The following SPTB variants were observed in gnomAD, a reference collection of about 807,000 sequenced individuals.
SPTB encodes the protein spectrin beta, erythrocytic.
A neutral mutation model predicts 256.2 loss-of-function variants in SPTB; 45 were observed. That is an observed-to-expected ratio of 0.18 (90% CI 0.14 to 0.23). The LOEUF is 0.23. SPTB is among the 10% of genes least tolerant of loss of function. The pLI is 1.00. For missense variants in SPTB, 2,715 were observed against 3,040.4 expected, an observed-to-expected ratio of 0.89 and a Z score of 2.52; for synonymous variants, 1,231 against 1,243.1, an observed-to-expected ratio of 0.99 and a Z score of 0.21.
At chr14:64,872,072 C>T (rs1882564763) in intron 1 of SPTB, among the ~76,000 whole-genome samples, 1 of 152,172 alleles carries the variant, frequency 6.6e-6, no homozygotes, top group African/African-American at 2.4e-5. Flanking sequence ...AAAATAAAAA[C>T]ATCTCCTTTT....
At chr14:64,869,783 C>T (rs1882420986) in intron 1 of SPTB, among the ~76,000 whole-genome samples, 1 of 108,274 alleles carries the variant, frequency 9.2e-6, no homozygotes, top group Admixed American at 1.1e-4. Context: ...CCACGATGCC[C>T]TGCTTTTTTT....
Position 64,795,019 on chromosome 14 carries a change from A to C in SPTB, c.1644+318T>G, listed in dbSNP as rs79223935. Among the ~76,000 whole-genome samples, 732 of 152,300 alleles carry C rather than the reference A, an allele frequency of 4.8e-3. 4 individuals carry two copies. Among genetic ancestry groups the C allele is most frequent in the East Asian group, 0.017 (88 of 5,182 alleles). ...TAACCAGAGTCAAATTGTAATTACT[A>C]AGAGCTTGATTCTCCAGGTTCCTGA... On this transcript the variant is annotated intron_variant, in intron 12 of 35. Coordinates refer to ENST00000644917, the MANE Select transcript of SPTB (RefSeq NM_001355436.2). The surrounding 1 kb of genome is among the most constrained non-coding windows in gnomAD (Gnocchi z 6.5).
rs1243344252 is a variant in SPTB at position 64,760,990 on chromosome 14, T to G, written c.6345+5736A>C. On this transcript the variant is annotated intron_variant, in intron 32 of 35. Coordinates refer to ENST00000644917, the MANE Select transcript of SPTB (RefSeq NM_001355436.2). This position sits in a 1 kb window ranked among gnomAD's most constrained non-coding sequence, Gnocchi z 4.3. Reference sequence around the variant, plus strand: ...GTTCACAGTCTAAATGAGATGATCCTGGCTTATGCAAAACACATGGCTGAT... The same window carrying G: ...GTTCACAGTCTAAATGAGATGATCCGGGCTTATGCAAAACACATGGCTGAT... Among the ~76,000 whole-genome samples, 1 of 152,234 alleles carries G rather than the reference T, an allele frequency of 6.6e-6. No homozygotes were observed. The highest frequency in any genetic ancestry group is 1.5e-5 in the Non-Finnish European group (1 of 68,034).
chr14:64,800,144 C>A (rs770683370), intron 8 of SPTB, among the ~76,000 whole-genome samples: 1 of 152,210 alleles, frequency 6.6e-6, no homozygotes, highest in Non-Finnish European at 1.5e-5. Context: ...TCTTGCCAAT[C>A]GGCAGCGAGC....
At position 64,795,990 on chromosome 14, in the gene SPTB, G is replaced by A. The variant is rs911833894; in HGVS notation, c.1342-351C>T. The stretch of plus-strand genomic sequence containing the variant: ...GGCAGGAAGGGGCTGCTTCTCACTC[G>A]GAAACCCATGCACCAGCAAACAGAT... On this transcript the variant is annotated intron_variant, in intron 11 of 35. Transcript: ENST00000644917. This position sits in a 1 kb window ranked among gnomAD's most constrained non-coding sequence, Gnocchi z 6.5. 1.3e-5 allele frequency among the ~76,000 whole-genome samples: 2 copies of A among 152,144 alleles called. No homozygotes were observed. The highest frequency in any genetic ancestry group is 1.9e-4 in the East Asian group (1 of 5,188).
At chr14:64,768,674 C>T (rs1049206306) in intron 29 of SPTB, among the ~76,000 whole-genome samples, 3 of 151,924 alleles carry the variant, frequency 2.0e-5, no homozygotes, top group African/African-American at 4.8e-5. Flanking sequence ...ACTCCTCCCC[C>T]GGACCCTCAA....
intron 1 of SPTB, among the ~76,000 whole-genome samples, chr14:64,842,627 C>A (rs2083624650): frequency 6.6e-6 from 1 of 152,242 alleles, no homozygotes; most frequent in South Asian, 2.1e-4. Context: ...GTGTCAGACA[C>A]GGAGTATACA....
chr14:64,846,635 C>T (rs111740492), intron 1 of SPTB, among the ~76,000 whole-genome samples: 1,982 of 152,332 alleles, frequency 0.013, 20 homozygotes, highest in Middle Eastern at 0.024. Flanking sequence ...GACAGTGTCT[C>T]CCGCCTTCAA....
rs1241269850 is a variant in SPTB at position 64,802,139 on chromosome 14, T to C, written c.566+87A>G. The C allele has an allele frequency of 8.8e-6, 11 of 1,247,978 alleles. No homozygotes were observed. Among genetic ancestry groups the C allele is most frequent in the African/African-American group, 4.4e-5 (3 of 67,510 alleles). The allele number at this position is 1,247,978 out of a possible 1,614,324, so 77.3% of individuals were successfully genotyped here. ...AGGCAGCTGTAGTTCTGGGTGATGA[T>C]GTCTAATGTCCCTCTGGAGATGGCA... On this transcript the variant is annotated intron_variant, in intron 5 of 35. Coordinates refer to ENST00000644917, the MANE Select transcript of SPTB (RefSeq NM_001355436.2). The surrounding 1 kb of genome is among the most constrained non-coding windows in gnomAD (Gnocchi z 5.1).
At chr14:64,869,638 T>TTTG in intron 1 of SPTB, among the ~76,000 whole-genome samples, 1 of 150,084 alleles carries the variant, frequency 6.7e-6, no homozygotes, top group Non-Finnish European at 1.5e-5. Context: ...TTTTTTTTTT[T>TTTG]TGAGACAGGG....
In SPTB at chr14:64,758,617, G is replaced by A. The variant is rs1013798849; in HGVS notation, c.6346-4824C>T. Among the ~76,000 whole-genome samples, 4 of 152,246 alleles carry A rather than the reference G, an allele frequency of 2.6e-5. No homozygotes were observed. Among genetic ancestry groups the A allele is most frequent in the Admixed American group, 6.5e-5 (1 of 15,290 alleles). On this transcript the variant is annotated intron_variant, in intron 32 of 35. Transcript: ENST00000644917. This position sits in a 1 kb window ranked among gnomAD's most constrained non-coding sequence, Gnocchi z 4.6. Reference sequence around the variant, plus strand: ...AACTTTGTCAAGAAAAGACTTCGAGGAAGATTGTGTCTAGATATATATCCA... The same window carrying A: ...AACTTTGTCAAGAAAAGACTTCGAGAAAGATTGTGTCTAGATATATATCCA...
In SPTB at chr14:64,803,727, C is replaced by T. The variant is rs2082931432; in HGVS notation, c.354G>A (p.Lys118=). ...MRIHCLENVD[K]ALQFLKEQRV... ...GCTGCTCCTTGAGGAACTGGAGAGC[C>T]TTGTCCACATTCTCCAGGCAGTGGA... is the stretch of plus-strand genomic sequence containing the variant. The change falls in exon 4 of 36, where the codon AAG becomes AAA. Residue 118 remains lysine (K), a synonymous_variant. Transcript: ENST00000644917. The T allele has an allele frequency of 6.2e-7, 1 of 1,614,096 alleles. No individual in the cohort carries two copies. Among genetic ancestry groups the T allele is most frequent in the East Asian group, 2.2e-5 (1 of 44,870 alleles).
At chr14:64,877,097 G>A (rs74056091) in intron 1 of SPTB, among the ~76,000 whole-genome samples, 4,761 of 150,272 alleles carry the variant, frequency 0.032, 248 homozygotes, top group African/African-American at 0.11. Context: ...CTGTCCCTAT[G>A]TATCATCAAG....
Position 64,778,011 on chromosome 14 carries a change from C to T in SPTB, c.4563+1146G>A, listed in dbSNP as rs1188516965. On this transcript the variant is annotated intron_variant, in intron 22 of 35. Transcript: ENST00000644917. This position sits in a 1 kb window ranked among gnomAD's most constrained non-coding sequence, Gnocchi z 5.2. ...GAAAGACTAGAGTTGGCTCATTTTA[C>T]AATTAAGGAAACTGAGGTCCCAAGG... Among the ~76,000 whole-genome samples the T allele has an allele frequency of 6.6e-6, 1 of 152,134 alleles. No homozygotes were observed. The highest frequency in any genetic ancestry group is 1.5e-5 in the Non-Finnish European group (1 of 68,022).
rs1273903239 is a variant in SPTB at position 64,792,726 on chromosome 14, G to T, written c.2666+271C>A. Among the ~76,000 whole-genome samples, 1 of 152,248 alleles carries T rather than the reference G, an allele frequency of 6.6e-6. No individual in the cohort carries two copies. The highest frequency in any genetic ancestry group is 1.9e-4 in the East Asian group (1 of 5,186). On this transcript the variant is annotated intron_variant, in intron 14 of 35. Transcript: ENST00000644917. This position sits in a 1 kb window ranked among gnomAD's most constrained non-coding sequence, Gnocchi z 4.2. Reference sequence around the variant, plus strand: ...GGGGTTCCATACACAATTCATCTGAGCAAAGACTGCTATTGCTGAAAAGTA... The same window carrying T: ...GGGGTTCCATACACAATTCATCTGATCAAAGACTGCTATTGCTGAAAAGTA...
rs2269295 is a variant in SPTB at position 64,807,752 on chromosome 14, C to T, written c.149-2662G>A. 0.35 allele frequency among the ~76,000 whole-genome samples: 53,626 copies of T among 152,106 alleles called. 9,581 individuals carry two copies. The highest frequency in any genetic ancestry group is 0.48 in the South Asian group (2,342 of 4,830). On this transcript the variant is annotated intron_variant, in intron 2 of 35. Coordinates refer to ENST00000644917, the MANE Select transcript of SPTB (RefSeq NM_001355436.2). The surrounding 1 kb of genome is among the most constrained non-coding windows in gnomAD (Gnocchi z 4.7). Reference sequence around the variant, plus strand: ...CCAAGCCTTCCAAGGGCAGGAGAGGCGGTGGCCTGGAGCCAGCTAGGCTGG... The same window carrying T: ...CCAAGCCTTCCAAGGGCAGGAGAGGTGGTGGCCTGGAGCCAGCTAGGCTGG...
At position 64,879,862 on chromosome 14, in the gene SPTB, G is replaced by A. The variant is rs940451842; in HGVS notation, c.-122C>T. On this transcript the variant is annotated 5_prime_UTR_variant, in exon 1 of 36. Coordinates refer to ENST00000644917, the MANE Select transcript of SPTB (RefSeq NM_001355436.2). ...GGCGGCGGCGGCGCAGGGGGAGGAG[G>A]GCAGCGCGGGGCTCCTGGCACAGCG... The A allele has an allele frequency of 1.9e-5, 3 of 154,018 alleles. No individual in the cohort carries two copies. The South Asian group carries it at 5.5e-4, about 28-fold the overall frequency. The allele number at this position is 154,018 out of a possible 1,614,324, so 9.5% of individuals were successfully genotyped here. A position where few individuals can be genotyped will look rare whatever the true frequency, so the allele number is the denominator to read the frequency against.
Position 64,782,534 on chromosome 14 carries a change from T to G in SPTB, c.4022A>C (p.Asp1341Ala). The part of the protein sequence containing the change: ...NIDAEGKQLM[D>A]EKPQFTALVS... Reference sequence around the variant, plus strand: ...CAGGGCTGTAAACTGGGGCTTCTCATCCATCAGCTGCTTTCCTTCCTAGGG... The same window carrying G: ...CAGGGCTGTAAACTGGGGCTTCTCAGCCATCAGCTGCTTTCCTTCCTAGGG... The change falls in exon 20 of 36, where the codon GAT becomes GCT. Residue 1341 changes from aspartate (D) to alanine (A), a missense_variant. Physicochemically the swap from Asp to Ala is moderately radical, Grantham distance 126 (BLOSUM62 -2). Around this residue, in one of 4 missense-constraint regions of SPTB, gnomAD observed 2,239 missense variants for 2,384.4 expected, o/e 0.94. Coordinates refer to ENST00000644917, the MANE Select transcript of SPTB (RefSeq NM_001355436.2). The G allele has an allele frequency of 6.2e-7, 1 of 1,613,972 alleles. No individual in the cohort carries two copies. Among genetic ancestry groups the G allele is most frequent in the Non-Finnish European group, 8.5e-7 (1 of 1,180,022 alleles).
chr14:64,876,708 C>A (rs1272227342), intron 1 of SPTB, among the ~76,000 whole-genome samples: 2 of 152,130 alleles, frequency 1.3e-5, no homozygotes, highest in African/African-American at 4.8e-5. Flanking sequence ...GAGTTTAAAG[C>A]CTGAGACTGC....
Sources: gnomAD v4.1 joint callset for allele counts (sites outside exome capture counted in the v4.1 genomes callset) on GRCh38, gnomAD v4.1.1 for gene constraint, gnomAD v4.1.1 regional missense constraint, Gnocchi (gnomAD v3.1) non-coding constraint, MANE v1.5 for transcripts, NCBI Gene and HGNC (gene_info 2026-07-23, HGNC 2026-07-21) for gene names.